The following TRAPPC9 variants were observed in gnomAD, a reference collection of about 807,000 sequenced individuals.
The protein encoded by TRAPPC9 is IKK2 binding protein.
In TRAPPC9, 83 loss-of-function variants were observed where a neutral mutation model predicts 124.0. The observed-to-expected ratio is 0.67, with a 90% CI of 0.56 to 0.80. The LOEUF is 0.80. TRAPPC9 is among the 30% of genes least tolerant of loss of function. The probability of loss-of-function intolerance (pLI) is 0.00; values close to 1 mark genes in which losing one functional copy is unlikely to be tolerated. For synonymous variants in TRAPPC9, 638 were observed against 617.5 expected, an observed-to-expected ratio of 1.03 and a Z score of -0.49; for missense variants, 1,302 against 1,508.3, an observed-to-expected ratio of 0.86 and a Z score of 2.27.
chr8:140,274,165 A>G (rs1257575876), intron 15 of TRAPPC9, among the ~76,000 whole-genome samples: 1 of 152,210 alleles, frequency 6.6e-6, no homozygotes, highest in Non-Finnish European at 1.5e-5. Context: ...GCCTCACTCA[A>G]TAAAAAATAC....
intron 17 of TRAPPC9, among the ~76,000 whole-genome samples, chr8:140,046,242 G>C (rs78581000): frequency 0.013 from 1,972 of 152,370 alleles, 42 homozygotes; most frequent in African/African-American, 0.044. Context: ...TGGATGCTCC[G>C]TGTGTTGTCC....
intron 21 of TRAPPC9, among the ~76,000 whole-genome samples, chr8:139,773,215 C>T (rs1427109601): frequency 6.6e-6 from 1 of 152,250 alleles, no homozygotes; most frequent in Non-Finnish European, 1.5e-5. Context: ...CTGGCGCGCC[C>T]AGGTCTCTGC....
intron 17 of TRAPPC9, among the ~76,000 whole-genome samples, chr8:140,219,758 A>T (rs1587951955): frequency 6.6e-6 from 1 of 152,132 alleles, no homozygotes; most frequent in African/African-American, 2.4e-5. Flanking sequence ...TGGTCCCACA[A>T]CGCTGGAAAC....
intron 17 of TRAPPC9, among the ~76,000 whole-genome samples, chr8:140,031,929 T>G (rs1374775656): frequency 6.6e-6 from 1 of 152,160 alleles, no homozygotes; most frequent in Admixed American, 6.5e-5. Context: ...AAAGTCTGGT[T>G]TAGGATACTA....
At chr8:140,433,534 G>A (rs1028137013) in intron 4 of TRAPPC9, among the ~76,000 whole-genome samples, 4 of 152,122 alleles carry the variant, frequency 2.6e-5, no homozygotes, top group Admixed American at 6.6e-5. Flanking sequence ...AAGTTGCAGT[G>A]AGCCGAGATT....
intron 18 of TRAPPC9, among the ~76,000 whole-genome samples, chr8:139,996,419 G>A (rs186302323): frequency 3.2e-4 from 49 of 152,042 alleles, no homozygotes; most frequent in Non-Finnish European, 5.3e-4. Context: ...GGGGGTGGTG[G>A]GGGAACTCTA....
intron 21 of TRAPPC9, among the ~76,000 whole-genome samples, chr8:139,835,765 T>TA (rs1826294001): frequency 1.4e-5 from 2 of 139,480 alleles, no homozygotes; most frequent in East Asian, 4.3e-4. Context: ...AGCTGAAGAT[T>TA]AAAAAACAAA....
intron 17 of TRAPPC9, among the ~76,000 whole-genome samples, chr8:140,108,650 T>C (rs2060710569): frequency 6.6e-6 from 1 of 152,206 alleles, no homozygotes; most frequent in African/African-American, 2.4e-5. Context: ...TCCCCGACCT[T>C]AGAAGAGCAT....
In TRAPPC9 at chr8:140,454,332, G is replaced by A. The variant is rs148742200; in HGVS notation, c.-10-2949C>T. On this transcript the variant is annotated intron_variant, in intron 1 of 22. Transcript: ENST00000438773. ...AAATGATTTAAAAATAAAAACTATC[G>A]TCTCATCTAAAAAGCAGCATAATCA... is the stretch of plus-strand genomic sequence containing the variant. Among the ~76,000 whole-genome samples the A allele has an allele frequency of 1.1e-3, 170 of 151,086 alleles. No homozygotes were observed. In the East Asian group the frequency reaches 0.015, roughly 13 times the overall value.
intron 17 of TRAPPC9, among the ~76,000 whole-genome samples, chr8:140,148,776 T>C (rs191886248): frequency 2.6e-5 from 4 of 152,308 alleles, no homozygotes; most frequent in African/African-American, 7.2e-5. Flanking sequence ...AAAAAACATT[T>C]TGGGGACTAG....
intron 11 of TRAPPC9, among the ~76,000 whole-genome samples, chr8:140,291,876 A>T (rs952050081): frequency 6.6e-6 from 1 of 152,234 alleles, no homozygotes. Context: ...AGCTGGCAAG[A>T]GAACGGGGAT....
chr8:140,232,074 T>C (rs1587977479), intron 16 of TRAPPC9, among the ~76,000 whole-genome samples: 1 of 151,762 alleles, frequency 6.6e-6, no homozygotes, highest in Non-Finnish European at 1.5e-5. Context: ...GTGCCCAGCC[T>C]GTTTTTTTTA....
intron 19 of TRAPPC9, among the ~76,000 whole-genome samples, chr8:139,971,274 C>A (rs1450310921): frequency 1.3e-5 from 2 of 152,216 alleles, no homozygotes; most frequent in Non-Finnish European, 2.9e-5. Flanking sequence ...CCCCTCCAGC[C>A]TCACCCTGGA....
At chr8:140,105,769 C>T (rs1470093957) in intron 17 of TRAPPC9, among the ~76,000 whole-genome samples, 3 of 152,148 alleles carry the variant, frequency 2.0e-5, no homozygotes, top group Admixed American at 1.3e-4. Context: ...CATTACCTAA[C>T]TCACCCTGTG....
intron 21 of TRAPPC9, among the ~76,000 whole-genome samples, chr8:139,803,105 C>T (rs1823664882): frequency 6.6e-6 from 1 of 151,270 alleles, no homozygotes; most frequent in Non-Finnish European, 1.5e-5. Flanking sequence ...ATTGTGTGTG[C>T]ATCCATGCGT....
intron 17 of TRAPPC9, among the ~76,000 whole-genome samples, chr8:140,031,830 G>A (rs1202868737): frequency 6.6e-6 from 1 of 152,194 alleles, no homozygotes; most frequent in Non-Finnish European, 1.5e-5. Context: ...CCAGCCAAGA[G>A]GCCCAGGAGT....
chr8:139,903,901 G>C (rs13275603), intron 20 of TRAPPC9, among the ~76,000 whole-genome samples: 23,353 of 151,972 alleles, frequency 0.15, 2,136 homozygotes, highest in African/African-American at 0.24. Flanking sequence ...AATTAGCCAG[G>C]CGTGGTGGCA....
At chr8:140,167,486 G>C (rs936194417) in intron 17 of TRAPPC9, among the ~76,000 whole-genome samples, 8 of 152,148 alleles carry the variant, frequency 5.3e-5, no homozygotes, top group African/African-American at 1.9e-4. Context: ...ATCCTCACCT[G>C]ACAAGGGTGG....
intron 17 of TRAPPC9, among the ~76,000 whole-genome samples, chr8:140,197,217 A>G (rs968718302): frequency 3.3e-5 from 5 of 152,196 alleles, no homozygotes; most frequent in Admixed American, 3.3e-4. Flanking sequence ...GAAAGAGAAG[A>G]CCTTGAGACA....
Sources: gnomAD v4.1 joint callset for allele counts (sites outside exome capture counted in the v4.1 genomes callset) on GRCh38, gnomAD v4.1.1 for gene constraint, MANE v1.5 for transcripts, NCBI Gene and HGNC (gene_info 2026-07-23, HGNC 2026-07-21) for gene names.